COMMD10: variants seen among roughly 807,000 people sequenced by gnomAD.
The protein encoded by COMMD10 is COMM domain-containing protein 10.
In COMMD10, 33 loss-of-function variants were observed where a neutral mutation model predicts 28.9. That is an observed-to-expected ratio of 1.14 (90% CI 0.87 to 1.53). The LOEUF is 1.53. Ranked by LOEUF, COMMD10 falls within the 40% of genes most tolerant of loss-of-function variation. The probability of loss-of-function intolerance (pLI) is 0.00; values close to 1 mark genes in which losing one functional copy is unlikely to be tolerated. For missense variants in COMMD10, 310 were observed against 233.4 expected (o/e 1.33, Z -2.14); for synonymous variants, 110 against 81.7 (o/e 1.35, Z -1.87).
intron 5 of COMMD10, among the ~76,000 whole-genome samples, chr5:116,191,902 A>G (rs1308327801): frequency 6.9e-6 from 1 of 144,180 alleles, no homozygotes; most frequent in Non-Finnish European, 1.5e-5. Flanking sequence ...ACAACCCCCC[A>G]TCCTCCCACC....
rs1415251246 is a variant in COMMD10 at position 116,209,889 on chromosome 5, G to A, written c.510+75711G>A. Among the ~76,000 whole-genome samples the A allele has an allele frequency of 2.0e-5, 3 of 151,990 alleles. No individual in the cohort carries two copies. The East Asian group carries it at 5.8e-4, about 29-fold the overall frequency. The stretch of plus-strand genomic sequence containing the variant: ...TTTATATAGTTACTCTCTTTATTCT[G>A]GTGCAATAATAATACTACACACTGG... On this transcript the variant is annotated intron_variant, in intron 5 of 6. Transcript: ENST00000274458.
At chr5:116,135,119 G>A (rs1354919941) in intron 5 of COMMD10, among the ~76,000 whole-genome samples, 1 of 152,032 alleles carries the variant, frequency 6.6e-6, no homozygotes, top group Non-Finnish European at 1.5e-5. Flanking sequence ...TAGAAAAGGG[G>A]GAGTGACTTT....
chr5:116,134,293 G>A, intron 5 of COMMD10, 115 bp downstream of exon 5: 1 of 598,680 alleles, frequency 1.7e-6, no homozygotes, highest in Non-Finnish European at 3.0e-6. Context: ...CAGTTAAACA[G>A]TTATTAATAA....
intron 5 of COMMD10, among the ~76,000 whole-genome samples, chr5:116,226,344 T>C (rs1749392955): frequency 6.6e-6 from 1 of 151,954 alleles, no homozygotes; most frequent in African/African-American, 2.4e-5. Flanking sequence ...GAAATTCAAA[T>C]GATGTTTTAG....
intron 5 of COMMD10, among the ~76,000 whole-genome samples, chr5:116,172,201 T>G (rs1753358646): frequency 6.6e-6 from 1 of 152,110 alleles, no homozygotes; most frequent in Non-Finnish European, 1.5e-5. Flanking sequence ...CTGCTATTTT[T>G]ATGGCAAGAT....
At chr5:116,137,353 G>T (rs61207321) in intron 5 of COMMD10, among the ~76,000 whole-genome samples, 12,618 of 152,022 alleles carry the variant, frequency 0.083, 1,012 homozygotes, top group African/African-American at 0.2. Context: ...TTAAAGGAAA[G>T]GAAAGCTTTT....
intron 4 of COMMD10, among the ~76,000 whole-genome samples, chr5:116,118,150 G>T (rs1163962309): frequency 1.3e-5 from 2 of 152,100 alleles, no homozygotes; most frequent in Admixed American, 6.5e-5. Flanking sequence ...GGCTGGCTTG[G>T]TTCCTTTTTC....
At chr5:116,290,189 C>A (rs181714060) in intron 5 of COMMD10, among the ~76,000 whole-genome samples, 1 of 151,746 alleles carries the variant, frequency 6.6e-6, no homozygotes, top group Non-Finnish European at 1.5e-5. Context: ...GGCTTATCAT[C>A]CTTCCTTAAC....
intron 5 of COMMD10, among the ~76,000 whole-genome samples, chr5:116,266,686 A>C (rs1452695712): frequency 2.0e-5 from 3 of 151,804 alleles, no homozygotes; most frequent in Non-Finnish European, 2.9e-5. Flanking sequence ...ACATCGATGC[A>C]AAAATCCTCA....
chr5:116,114,736 C>G (rs971001472), intron 4 of COMMD10, among the ~76,000 whole-genome samples: 6 of 152,196 alleles, frequency 3.9e-5, no homozygotes, highest in African/African-American at 1.4e-4. Flanking sequence ...CATTGGCTGG[C>G]AAGTGGGGAA....
intron 5 of COMMD10, among the ~76,000 whole-genome samples, chr5:116,229,976 A>G: frequency 6.6e-6 from 1 of 151,874 alleles, no homozygotes; most frequent in East Asian, 1.9e-4. Flanking sequence ...CCAAAAAAAA[A>G]TCAAGACTAG....
At chr5:116,227,638 A>G (rs1282142496) in intron 5 of COMMD10, among the ~76,000 whole-genome samples, 2 of 152,046 alleles carry the variant, frequency 1.3e-5, no homozygotes, top group Non-Finnish European at 2.9e-5. Context: ...AGGTGATTTT[A>G]TTCTTATTAT....
intron 4 of COMMD10, among the ~76,000 whole-genome samples, chr5:116,120,192 G>GT (rs965259652): frequency 1.3e-4 from 20 of 152,194 alleles, no homozygotes; most frequent in African/African-American, 4.6e-4. Flanking sequence ...ATGAAGTAGC[G>GT]TTTTTTGCAG....
intron 4 of COMMD10, among the ~76,000 whole-genome samples, chr5:116,128,803 T>C (rs74642545): frequency 0.053 from 8,130 of 152,124 alleles, 308 homozygotes; most frequent in African/African-American, 0.11. Flanking sequence ...ACTTATTTTA[T>C]GGCGTATCCC....
intron 5 of COMMD10, among the ~76,000 whole-genome samples, chr5:116,136,916 T>C (rs1752040300): frequency 6.6e-6 from 1 of 152,114 alleles, no homozygotes; most frequent in Non-Finnish European, 1.5e-5. Context: ...CTTTGTATTG[T>C]CTTTCTCTTC....
chr5:116,279,266 A>G (rs1580607480), intron 5 of COMMD10, among the ~76,000 whole-genome samples: 1 of 151,886 alleles, frequency 6.6e-6, no homozygotes, highest in African/African-American at 2.4e-5. Context: ...CTTGAATGCT[A>G]TGCTAACAAG....
At chr5:116,131,400 T>C (rs1751856963) in intron 4 of COMMD10, among the ~76,000 whole-genome samples, 1 of 151,874 alleles carries the variant, frequency 6.6e-6, no homozygotes, top group African/African-American at 2.4e-5. Context: ...TGTGTGTGTG[T>C]ATGTGTGTAT....
At chr5:116,105,590 G>C (rs1378331844) in intron 4 of COMMD10, among the ~76,000 whole-genome samples, 2 of 152,098 alleles carry the variant, frequency 1.3e-5, no homozygotes, top group Non-Finnish European at 2.9e-5. Flanking sequence ...TCTAGTCTGG[G>C]ACTTTTTTTG....
In COMMD10 at chr5:116,275,610, A is replaced by G. The variant is rs184336130; in HGVS notation, c.511-15907A>G. 1.6e-4 allele frequency among the ~76,000 whole-genome samples: 24 copies of G among 151,966 alleles called. 1 individual carries two copies. The South Asian group carries it at 2.1e-3, about 13-fold the overall frequency. Reference sequence around the variant, plus strand: ...ACCCTAGCGTGTTGCTCGTAAATCTATGTTGAAAACAAGTGAAATTAGTCT... The same window carrying G: ...ACCCTAGCGTGTTGCTCGTAAATCTGTGTTGAAAACAAGTGAAATTAGTCT... On this transcript the variant is annotated intron_variant, in intron 5 of 6. Coordinates refer to ENST00000274458, the MANE Select transcript of COMMD10 (RefSeq NM_016144.4).
Sources: allele counts gnomAD v4.1 joint callset (sites outside exome capture counted in the v4.1 genomes callset), GRCh38; gene constraint gnomAD v4.1.1; transcripts MANE v1.5; gene names NCBI Gene and HGNC (gene_info 2026-07-23, HGNC 2026-07-21).